The following WHRN variants were observed in gnomAD, a reference collection of about 807,000 sequenced individuals.
WHRN encodes CASK-interacting protein CIP98.
Under a neutral mutation model 68.3 loss-of-function variants are expected in WHRN, and 41 were observed. The ratio of observed to expected loss-of-function variants is 0.60; its 90% CI spans 0.47 to 0.78. The LOEUF is 0.78. Ranked by LOEUF, WHRN falls within the 30% of genes least tolerant of loss-of-function variation. The pLI is 0.00. For synonymous variants in WHRN, 560 were observed against 561.3 expected, an observed-to-expected ratio of 1.00 and a Z score of 0.03; for missense variants, 1,243 against 1,244.7, an observed-to-expected ratio of 1.00 and a Z score of 0.02.
Position 114,403,893 on chromosome 9 carries a change from C to T in WHRN, c.2418+3G>A, listed in dbSNP as rs876657772. Reference sequence around the variant, plus strand: ...CCTCTGCATCCTCCTCCTCCTGGCTCACCGGTTTGTTGGCCCCATCTGTGG... The same window carrying T: ...CCTCTGCATCCTCCTCCTCCTGGCTTACCGGTTTGTTGGCCCCATCTGTGG... On this transcript the variant is annotated splice_donor_region_variant and intron_variant, in intron 10 of 11. Coordinates refer to ENST00000362057, the MANE Select transcript of WHRN (RefSeq NM_015404.4). 7 of 1,610,402 alleles carry T rather than the reference C, an allele frequency of 4.3e-6. No individual in the cohort carries two copies. The highest frequency in any genetic ancestry group is 5.1e-6 in the Non-Finnish European group (6 of 1,180,002).
chr9:114,426,223 G>A lies in WHRN; in HGVS notation c.1154C>T (p.Ala385Val), dbSNP rs766869083. 32 of 1,612,124 alleles carry A rather than the reference G, an allele frequency of 2.0e-5. No individual in the cohort carries two copies. The highest frequency in any genetic ancestry group is 3.3e-5 in the South Asian group (3 of 91,002). ...IASSRIRETM[A>V]NSAGFLGDLT... ...AGAGTGGCCAGACCCTGCCGAGTTC[G>A]CCATGGTCTCCCTGATCCGGGAACT... is the stretch of plus-strand genomic sequence containing the variant. The change falls in exon 4 of 12, where the codon GCG becomes GTG. Residue 385 changes from alanine to valine, a missense_variant. Physicochemically the swap from Ala to Val is moderately conservative, Grantham distance 64. Transcript: ENST00000362057.
chr9:114,495,812 GAAGAA>G (rs899534025), intron 1 of WHRN, among the ~76,000 whole-genome samples: 1 of 152,122 alleles, frequency 6.6e-6, no homozygotes, highest in African/African-American at 2.4e-5. Context: ...GGAAAGAGAT[GAAGAA>G]AAGGAAAAGG....
At chr9:114,451,955 A>G (rs1351435331) in intron 3 of WHRN, among the ~76,000 whole-genome samples, 1 of 152,056 alleles carries the variant, frequency 6.6e-6, no homozygotes, top group Admixed American at 6.5e-5. Flanking sequence ...TAAATGATTC[A>G]CTGTAGGCAC....
intron 3 of WHRN, among the ~76,000 whole-genome samples, chr9:114,458,786 G>A (rs1172254578): frequency 6.6e-6 from 1 of 152,224 alleles, no homozygotes; most frequent in African/African-American, 2.4e-5. Flanking sequence ...GGAGACAGAA[G>A]GCAGCAAAGA....
chr9:114,466,165 G>T, intron 3 of WHRN, 102 bp downstream of exon 3: 1 of 1,573,314 alleles, frequency 6.4e-7, no homozygotes, highest in Non-Finnish European at 8.7e-7. Flanking sequence ...GCTGGGACCA[G>T]TCCTCAAGGT....
In WHRN at chr9:114,423,240, C is replaced by G. The variant is rs1564133222; in HGVS notation, c.1626+74G>C. The G allele has an allele frequency of 2.7e-5, 41 of 1,498,750 alleles. No homozygotes were observed. The East Asian group carries it at 9.0e-4, about 33-fold the overall frequency. The allele number at this position is 1,498,750 out of a possible 1,614,324, so 92.8% of individuals were successfully genotyped here. A position where few individuals can be genotyped will look rare whatever the true frequency, so the allele number is the denominator to read the frequency against. On this transcript the variant is annotated intron_variant, in intron 7 of 11. Transcript: ENST00000362057. ...GGTGGTGCTGGGATTCGAACTCAGG[C>G]TGGTCTCACTCCAAAGCCAGCATCT...
chr9:114,436,722 G>C (rs1205328404), intron 3 of WHRN, among the ~76,000 whole-genome samples: 3 of 151,996 alleles, frequency 2.0e-5, no homozygotes, highest in Admixed American at 6.6e-5. Flanking sequence ...CCAGCTACTT[G>C]GGAGGCTGAG....
At chr9:114,466,147 G>T in intron 3 of WHRN, 120 bp downstream of exon 3, 2 of 1,481,194 alleles carry the variant, frequency 1.4e-6, no homozygotes, top group East Asian at 2.3e-5. Flanking sequence ...GCCAGGGAGG[G>T]CTCCCCAGCT....
chr9:114,484,567 T>A lies in WHRN; in HGVS notation c.619-5796A>T, dbSNP rs369045612. 4.6e-5 allele frequency among the ~76,000 whole-genome samples: 7 copies of A among 152,206 alleles called. No individual in the cohort carries two copies. The East Asian group carries it at 9.6e-4, about 21-fold the overall frequency. On this transcript the variant is annotated intron_variant, in intron 1 of 11. Transcript: ENST00000362057. ...CAAGATCTGGGGAGAGCCCACCGCA[T>A]GCAGGGATGGTCATTAGAGTGCTGT...
At position 114,408,015 on chromosome 9, in the gene WHRN, T is replaced by G. The variant is rs767294488; in HGVS notation, c.1630A>C (p.Thr544Pro). Residue 544 changes from threonine to proline, a missense_variant, in exon 8 of 12, where the codon ACT becomes CCT. Coordinates refer to ENST00000362057, the MANE Select transcript of WHRN (RefSeq NM_015404.4). ...TCGCCAGTTTCCTCCAGGTCCAGAG[T>G]GTTCTAGAAATGGACGAGAAAGCAA... Reference protein sequence around the residue: ...TSTTVSSARNTLDLEETGEAV... With the variant: ...TSTTVSSARNPLDLEETGEAV... The G allele has an allele frequency of 1.9e-6, 3 of 1,599,004 alleles. No homozygotes were observed. The highest frequency in any genetic ancestry group is 8.5e-7 in the Non-Finnish European group (1 of 1,171,904).
Position 114,402,689 on chromosome 9 carries a change from C to T in WHRN, c.*65G>A. ...CAACCCCGCAAGGAGCTTGATGAAG[C>T]CAACGGTGGAAAGGGACTGGGACCA... On this transcript the variant is annotated 3_prime_UTR_variant, in exon 12 of 12. Coordinates refer to ENST00000362057, the MANE Select transcript of WHRN (RefSeq NM_015404.4). The T allele has an allele frequency of 2.5e-6, 4 of 1,603,054 alleles. No homozygotes were observed. In the South Asian group the frequency reaches 3.3e-5, roughly 13 times the overall value.
chr9:114,431,792 C>A (rs889580271), intron 3 of WHRN, among the ~76,000 whole-genome samples: 1 of 152,170 alleles, frequency 6.6e-6, no homozygotes, highest in Non-Finnish European at 1.5e-5. Context: ...CTGTATCCAT[C>A]GGGGCCTTCC....
Position 114,492,870 on chromosome 9 carries a change from T to C in WHRN, c.618+11314A>G, listed in dbSNP as rs371351415. On this transcript the variant is annotated intron_variant, in intron 1 of 11. Coordinates refer to ENST00000362057, the MANE Select transcript of WHRN (RefSeq NM_015404.4). Reference sequence around the variant, plus strand: ...CACACACAAATATATATACACACCATGCTGGGCATGGTGGCGCAAGCCTGT... The same window carrying C: ...CACACACAAATATATATACACACCACGCTGGGCATGGTGGCGCAAGCCTGT... Among the ~76,000 whole-genome samples the C allele has an allele frequency of 8.4e-4, 127 of 151,850 alleles. 4 individuals carry two copies. Among genetic ancestry groups the C allele is most frequent in the African/African-American group, 3.0e-3 (125 of 41,374 alleles).
In WHRN at chr9:114,436,598, G is replaced by A. The variant is rs563427734; in HGVS notation, c.964-10185C>T. 2.6e-5 allele frequency among the ~76,000 whole-genome samples: 4 copies of A among 152,276 alleles called. No homozygotes were observed. The East Asian group carries it at 7.7e-4, about 29-fold the overall frequency. On this transcript the variant is annotated intron_variant, in intron 3 of 11. Coordinates refer to ENST00000362057, the MANE Select transcript of WHRN (RefSeq NM_015404.4). ...AATCCCAGCACCTTGTGGGGCCGAG[G>A]TGGGTGGATCACCTGAGATCAGGTG...
intron 1 of WHRN, among the ~76,000 whole-genome samples, chr9:114,482,849 A>G (rs1842199763): frequency 6.6e-6 from 1 of 152,174 alleles, no homozygotes; most frequent in African/African-American, 2.4e-5. Context: ...ACAGAGAGCC[A>G]GCGCCGGAGA....
At position 114,416,557 on chromosome 9, in the gene WHRN, C is replaced by T. The variant is rs151037465; in HGVS notation, c.1626+6757G>A. 1.3e-3 allele frequency among the ~76,000 whole-genome samples: 204 copies of T among 152,276 alleles called. 2 individuals are homozygous for T. In the East Asian group the frequency reaches 0.036, roughly 27 times the overall value. On this transcript the variant is annotated intron_variant, in intron 7 of 11. Transcript: ENST00000362057. Reference sequence around the variant, plus strand: ...CCCCCTTCTCTTCCTCCTCCTCCAGCCATGTAAGATGTGCCTGCTTCCCCT... The same window carrying T: ...CCCCCTTCTCTTCCTCCTCCTCCAGTCATGTAAGATGTGCCTGCTTCCCCT...
intron 3 of WHRN, among the ~76,000 whole-genome samples, chr9:114,459,364 T>C (rs1054971290): frequency 1.3e-5 from 2 of 151,916 alleles, no homozygotes; most frequent in Non-Finnish European, 2.9e-5. Context: ...CTCAGGAGGC[T>C]GAAGCAGGAG....
rs546999274 is a variant in WHRN, at chr9:114,488,214, A to G, written c.619-9443T>C. On this transcript the variant is annotated intron_variant, in intron 1 of 11. Coordinates refer to ENST00000362057, the MANE Select transcript of WHRN (RefSeq NM_015404.4). ...AAAAGGGGCCATAACGCCTATGCTCATGGAGCTGTCATGTAAACTGAATGA... is the reference window on the plus strand; with the variant it reads ...AAAAGGGGCCATAACGCCTATGCTCGTGGAGCTGTCATGTAAACTGAATGA... 7.9e-5 allele frequency among the ~76,000 whole-genome samples: 12 copies of G among 152,298 alleles called. No homozygotes were observed. The South Asian group carries it at 2.1e-3, about 26-fold the overall frequency.
intron 3 of WHRN, among the ~76,000 whole-genome samples, chr9:114,442,078 A>G (rs1838420742): frequency 6.6e-6 from 1 of 152,232 alleles, no homozygotes; most frequent in Non-Finnish European, 1.5e-5. Context: ...ATAGAGAAAC[A>G]TTCTACAAAA....
Sources: gnomAD v4.1 joint callset for allele counts (sites outside exome capture counted in the v4.1 genomes callset) on GRCh38, gnomAD v4.1.1 for gene constraint, MANE v1.5 for transcripts, NCBI Gene and HGNC (gene_info 2026-07-23, HGNC 2026-07-21) for gene names.